Variants in PEBP4 observed in about 807,000 individuals in gnomAD.
PEBP4 encodes the protein phosphatidylethanolamine-binding protein 4.
Under a neutral mutation model 23.9 loss-of-function variants are expected in PEBP4, and 22 were observed. That is an observed-to-expected ratio of 0.92 (90% CI 0.66 to 1.31). The LOEUF (loss-of-function observed/expected upper bound fraction) is 1.31, where lower values mean the gene tolerates loss of function less well. Among genes scored for constraint, PEBP4 ranks in the 40% most tolerant of loss-of-function variants. The pLI, the probability that PEBP4 is intolerant of heterozygous loss-of-function variation, is 0.00. For synonymous variants in PEBP4, 112 were observed against 99.3 expected, an observed-to-expected ratio of 1.13 and a Z score of -0.76; for missense variants, 324 against 281.7, an observed-to-expected ratio of 1.15 and a Z score of -1.07.
rs1293075376 is a variant in PEBP4 at position 22,865,824 on chromosome 8, A to G, written c.259-48089T>C. On this transcript the variant is annotated intron_variant, in intron 3 of 6. Transcript: ENST00000256404. The surrounding 1 kb of genome is among the most constrained non-coding windows in gnomAD (Gnocchi z 6.9). ...AGCGGCGGCGCCTAGAGGGACCCCC[A>G]CCCCGGGCTCGAACTCCCGACAAGA... 6.6e-6 allele frequency among the ~76,000 whole-genome samples: 1 copy of G among 151,972 alleles called. No individual in the cohort carries two copies. Among genetic ancestry groups the G allele is most frequent in the African/African-American group, 2.4e-5 (1 of 41,342 alleles).
At chr8:22,742,982 T>C (rs1805029617) in intron 4 of PEBP4, among the ~76,000 whole-genome samples, 2 of 152,040 alleles carry the variant, frequency 1.3e-5, no homozygotes, top group African/African-American at 2.4e-5. Flanking sequence ...CAGGGAGGGC[T>C]TTCTGGAGGA....
intron 3 of PEBP4, among the ~76,000 whole-genome samples, chr8:22,881,379 G>C (rs1313140946): frequency 6.6e-6 from 1 of 152,194 alleles, no homozygotes; most frequent in Non-Finnish European, 1.5e-5. Context: ...CCTGGATGCA[G>C]ACAGGCCAGA....
intron 4 of PEBP4, among the ~76,000 whole-genome samples, chr8:22,776,438 T>C (rs1805816681): frequency 6.6e-6 from 1 of 152,036 alleles, no homozygotes; most frequent in Admixed American, 6.6e-5. Flanking sequence ...TGTGAGTACC[T>C]TTGAACCTCA....
At chr8:22,900,359 T>C (rs1464288741) in intron 3 of PEBP4, among the ~76,000 whole-genome samples, 3 of 152,162 alleles carry the variant, frequency 2.0e-5, no homozygotes, top group African/African-American at 7.2e-5. Context: ...ACAAAGATTA[T>C]TATCTTGACC....
intron 3 of PEBP4, among the ~76,000 whole-genome samples, chr8:22,829,997 C>T (rs906698064): frequency 3.9e-5 from 6 of 152,194 alleles, no homozygotes; most frequent in East Asian, 3.8e-4. Context: ...CTGCAGTTGA[C>T]GTGGCAGCCC....
At chr8:22,848,251 A>G (rs1393950161) in intron 3 of PEBP4, among the ~76,000 whole-genome samples, 1 of 152,222 alleles carries the variant, frequency 6.6e-6, no homozygotes, top group Non-Finnish European at 1.5e-5. Context: ...CACCAGCCAG[A>G]GAGAGACGAG....
intron 3 of PEBP4, among the ~76,000 whole-genome samples, chr8:22,863,650 C>A (rs1305044050): frequency 6.6e-6 from 1 of 152,166 alleles, no homozygotes; most frequent in Non-Finnish European, 1.5e-5. Context: ...AACGCACATT[C>A]ATTCATAAGC....
At chr8:22,914,504 C>T (rs1300483874) in intron 3 of PEBP4, among the ~76,000 whole-genome samples, 1 of 152,166 alleles carries the variant, frequency 6.6e-6, no homozygotes, top group Non-Finnish European at 1.5e-5. Flanking sequence ...GGGATCCACT[C>T]CTCATTCACT....
At chr8:22,787,181 G>C (rs1178144558) in intron 4 of PEBP4, among the ~76,000 whole-genome samples, 1 of 152,180 alleles carries the variant, frequency 6.6e-6, no homozygotes, top group African/African-American at 2.4e-5. Flanking sequence ...GAGTCTGTAG[G>C]GGTGGGTTCC....
intron 4 of PEBP4, among the ~76,000 whole-genome samples, chr8:22,759,805 G>A (rs1399617704): frequency 6.6e-6 from 1 of 152,192 alleles, no homozygotes; most frequent in African/African-American, 2.4e-5. Context: ...GTTCCGAAGG[G>A]CTCAACTGGG....
intron 4 of PEBP4, among the ~76,000 whole-genome samples, chr8:22,761,326 G>A (rs1805503792): frequency 1.3e-5 from 2 of 151,932 alleles, no homozygotes; most frequent in South Asian, 2.1e-4. Flanking sequence ...GATGCCAACC[G>A]GAAAGCCCTT....
chr8:22,766,366 CG>C (rs1296314714), intron 4 of PEBP4, among the ~76,000 whole-genome samples: 2 of 152,234 alleles, frequency 1.3e-5, no homozygotes, highest in African/African-American at 4.8e-5. Context: ...TCTGACCTCA[CG>C]GAGCTGGCAG....
chr8:22,763,988 C>T (rs998650365), intron 4 of PEBP4, among the ~76,000 whole-genome samples: 9 of 152,152 alleles, frequency 5.9e-5, no homozygotes, highest in African/African-American at 9.7e-5. Flanking sequence ...AATTTGTCTT[C>T]GGAGCTTCTC....
intron 4 of PEBP4, among the ~76,000 whole-genome samples, chr8:22,768,764 C>T (rs1563210321): frequency 6.6e-6 from 1 of 152,078 alleles, no homozygotes; most frequent in African/African-American, 2.4e-5. Context: ...TGTTGGCCCG[C>T]GGATGGTGCT....
intron 3 of PEBP4, among the ~76,000 whole-genome samples, chr8:22,878,338 C>A (rs1477970522): frequency 6.6e-6 from 1 of 151,966 alleles, no homozygotes; most frequent in African/African-American, 2.4e-5. Flanking sequence ...GAAAACACAT[C>A]CTGCAGGTCA....
At chr8:22,732,012 T>A (rs187421917) in intron 4 of PEBP4, among the ~76,000 whole-genome samples, 1 of 152,170 alleles carries the variant, frequency 6.6e-6, no homozygotes, top group East Asian at 1.9e-4. Flanking sequence ...ACAGTAATTA[T>A]AGAAATTACA....
At chr8:22,713,595 G>T in intron 6 of PEBP4, 59 bp from the exon 7 acceptor site, 1 of 1,611,654 alleles carries the variant, frequency 6.2e-7, no homozygotes. Flanking sequence ...CTTGAAAGCT[G>T]GCAGGGGCCT....
intron 3 of PEBP4, among the ~76,000 whole-genome samples, chr8:22,873,044 A>G (rs1808039421): frequency 6.6e-6 from 1 of 152,160 alleles, no homozygotes; most frequent in African/African-American, 2.4e-5. Flanking sequence ...AGAAAGGGGA[A>G]GATTCTTATA....
intron 4 of PEBP4, among the ~76,000 whole-genome samples, chr8:22,747,909 G>T (rs1395697865): frequency 6.6e-6 from 1 of 152,188 alleles, no homozygotes; most frequent in Admixed American, 6.5e-5. Flanking sequence ...AGGAGCCCAG[G>T]GCCGCGTGCA....
Sources: allele counts gnomAD v4.1 joint callset (sites outside exome capture counted in the v4.1 genomes callset), GRCh38; gene constraint gnomAD v4.1.1; non-coding constraint Gnocchi (gnomAD v3.1); transcripts MANE v1.5; gene names NCBI Gene and HGNC (gene_info 2026-07-23, HGNC 2026-07-21).